The following CXCL8 variants were observed in gnomAD, a reference collection of about 807,000 sequenced individuals.
CXCL8 encodes interleukin-8.
CXCL8 carries 12 observed loss-of-function variants against 10.9 expected under a neutral mutation model. The ratio of observed to expected loss-of-function variants is 1.10; its 90% CI spans 0.71 to 1.79. The LOEUF (loss-of-function observed/expected upper bound fraction) is 1.79, where lower values mean the gene tolerates loss of function less well. Ranked by LOEUF, CXCL8 falls within the 40% of genes most tolerant of loss-of-function variation. The pLI, the probability that CXCL8 is intolerant of heterozygous loss-of-function variation, is 0.00. For synonymous variants in CXCL8, 41 were observed against 39.6 expected, an observed-to-expected ratio of 1.03 and a Z score of -0.13; for missense variants, 145 against 113.4, an observed-to-expected ratio of 1.28 and a Z score of -1.26.
intron 1 of CXCL8, among the ~76,000 whole-genome samples, 184 bp from the exon 2 acceptor site, chr4:73,741,358 G>T (rs1232415828): frequency 3.3e-5 from 5 of 152,124 alleles, no homozygotes; most frequent in Admixed American, 3.3e-4. Context: ...TGTCAGTTAT[G>T]ACTGTTTTTT....
In CXCL8 at chr4:73,741,941, T is replaced by C; in HGVS notation, c.201-8T>C. On this transcript the variant is annotated splice_polypyrimidine_tract_variant and splice_region_variant and intron_variant, in intron 2 of 3. Coordinates refer to ENST00000307407, the MANE Select transcript of CXCL8 (RefSeq NM_000584.4). ...ATATTAATCTGAACCATTTCTTTCT[T>C]ATTTCAGTGTAAAGCTTTCTGATGG... 1 of 1,587,170 alleles carries C rather than the reference T, an allele frequency of 6.3e-7. No homozygotes were observed. The highest frequency in any genetic ancestry group is 1.1e-5 in the South Asian group (1 of 90,190).
intron 2 of CXCL8, 115 bp from the exon 3 acceptor site, chr4:73,741,834 C>T: frequency 9.6e-7 from 1 of 1,041,396 alleles, no homozygotes; most frequent in Non-Finnish European, 1.5e-6. Context: ...AATATGGTAG[C>T]TTCCACAACT....
intron 2 of CXCL8, 101 bp from the exon 3 acceptor site, chr4:73,741,848 A>C (rs1017450190): frequency 4.0e-5 from 44 of 1,091,974 alleles, no homozygotes; most frequent in Non-Finnish European, 5.7e-5. Context: ...CACAACTACT[A>C]TAAATGTTAT....
At chr4:73,742,236 G>T in intron 3 of CXCL8, 1 of 580,840 alleles carries the variant, frequency 1.7e-6, no homozygotes, top group Admixed American at 3.4e-5. Flanking sequence ...GAAATTCTGG[G>T]TTTAAGCTTG....
At chr4:73,742,351 C>A in intron 3 of CXCL8, 98 bp from the exon 4 acceptor site, 1 of 633,598 alleles carries the variant, frequency 1.6e-6, no homozygotes, top group Non-Finnish European at 2.7e-6. Flanking sequence ...TAGAGCATTT[C>A]TAACACATGA....
chr4:73,742,149 G>A, intron 3 of CXCL8, 117 bp downstream of exon 3: 1 of 505,838 alleles, frequency 2.0e-6, no homozygotes, highest in South Asian at 2.4e-5. Flanking sequence ...TGCCTTTTTG[G>A]TTAAAAAAAA....
chr4:73,742,028 A>T lies in CXCL8; in HGVS notation c.280A>T (p.Lys94Ter). The T allele has an allele frequency of 6.3e-7, 1 of 1,576,802 alleles. No homozygotes were observed. Among genetic ancestry groups the T allele is most frequent in the African/African-American group, 1.4e-5 (1 of 73,974 alleles). Residue 94 changes from lysine (K) to a stop codon, truncating the protein, a stop_gained, in exon 3 of 4, where the codon AAG (lysine) becomes TAG (stop). Coordinates refer to ENST00000307407, the MANE Select transcript of CXCL8 (RefSeq NM_000584.4). LOFTEE classifies it high-confidence loss of function. ...WVQRVVEKFL[K>*]RAENS ...GCAGAGGGTTGTGGAGAAGTTTTTG[A>T]AGAGGTAAGTTATATATTTTTTAAT...
intron 2 of CXCL8, 38 bp downstream of exon 2, chr4:73,741,715 C>CA: frequency 1.9e-6 from 3 of 1,580,528 alleles, no homozygotes; most frequent in Non-Finnish European, 2.6e-6. Flanking sequence ...TTTGTTTTAG[C>CA]AAACTTAAAA....
chr4:73,742,816 G>A lies in CXCL8; in HGVS notation c.*352G>A, dbSNP rs1729217984. On this transcript the variant is annotated 3_prime_UTR_variant, in exon 4 of 4. Transcript: ENST00000307407. ...CGAACTTTAATTTCAGGAATTGAAT[G>A]GGTTTGCTAGAATGTGATATTTGAA... 4.2e-6 allele frequency: 1 copy of A among 240,244 alleles called. No homozygotes were observed. The highest frequency in any genetic ancestry group is 2.2e-5 in the African/African-American group (1 of 45,596). 14.9% of individuals were successfully genotyped at this position (240,244 alleles called of 1,614,324 possible). A position where few individuals can be genotyped will look rare whatever the true frequency, so the allele number is the denominator to read the frequency against.
At position 73,741,639 on chromosome 4, in the gene CXCL8, G is replaced by T; in HGVS notation, c.162G>T (p.Val54=). The T allele has an allele frequency of 6.2e-7, 1 of 1,613,542 alleles. No individual in the cohort carries two copies. Among genetic ancestry groups the T allele is most frequent in the Non-Finnish European group, 8.5e-7 (1 of 1,179,566 alleles). ...FHPKFIKELR[V]IESGPHCANT... ...CCAAATTTATCAAAGAACTGAGAGT[G>T]ATTGAGAGTGGACCACACTGCGCCA... is the stretch of plus-strand genomic sequence containing the variant. Residue 54 remains valine, a synonymous_variant, in exon 2 of 4, where the codon GTG becomes GTT. Coordinates refer to ENST00000307407, the MANE Select transcript of CXCL8 (RefSeq NM_000584.4).
Position 73,743,329 on chromosome 4 carries a change from A to G in CXCL8, c.*865A>G. The G allele has an allele frequency of 4.7e-6, 1 of 212,628 alleles. No homozygotes were observed. The highest frequency in any genetic ancestry group is 1.5e-3 in the Middle Eastern group (1 of 658). The allele number at this position is 212,628 out of a possible 1,614,324, so 13.2% of individuals were successfully genotyped here. ...CCAGTTAAATTTTCATTTCAGATAA[A>G]CAACAAATAATTTTTTAGTATAAGT... On this transcript the variant is annotated 3_prime_UTR_variant, in exon 4 of 4. Coordinates refer to ENST00000307407, the MANE Select transcript of CXCL8 (RefSeq NM_000584.4).
intron 3 of CXCL8, 192 bp from the exon 4 acceptor site, chr4:73,742,257 T>G: frequency 1.7e-6 from 1 of 578,248 alleles, no homozygotes; most frequent in Non-Finnish European, 3.1e-6. Context: ...TGTCCTATAC[T>G]CTTAGTAAAG....
Position 73,743,637 on chromosome 4 carries a change from A to AT in CXCL8, c.*1181dup, listed in dbSNP as rs1184199297. On this transcript the variant is annotated 3_prime_UTR_variant, in exon 4 of 4. Coordinates refer to ENST00000307407, the MANE Select transcript of CXCL8 (RefSeq NM_000584.4). ...TAAGATGTTTTTATGTGCTCTCCAA[A>AT]TTTTTTTTACTGTTTCTGATTGTAT... 11 of 201,524 alleles carry AT rather than the reference A, an allele frequency of 5.5e-5. No individual in the cohort carries two copies. The highest frequency in any genetic ancestry group is 1.9e-4 in the South Asian group (1 of 5,260). 12.5% of individuals were successfully genotyped at this position (201,524 alleles called of 1,614,324 possible).
In CXCL8 at chr4:73,742,885, C is replaced by G; in HGVS notation, c.*421C>G. ...GGGACAATAAATTTTGCCATAAAGT[C>G]AAATTTAGCTGGAAATCCTGGATTT... is the stretch of plus-strand genomic sequence containing the variant. On this transcript the variant is annotated 3_prime_UTR_variant, in exon 4 of 4. Transcript: ENST00000307407. The G allele has an allele frequency of 4.3e-6, 1 of 231,452 alleles. No homozygotes were observed. The highest frequency in any genetic ancestry group is 8.5e-6 in the Non-Finnish European group (1 of 116,966). The allele number at this position is 231,452 out of a possible 1,614,324, so 14.3% of individuals were successfully genotyped here. A position where few individuals can be genotyped will look rare whatever the true frequency, so the allele number is the denominator to read the frequency against.
chr4:73,741,806 T>A, intron 2 of CXCL8, 129 bp downstream of exon 2: 1 of 1,061,184 alleles, frequency 9.4e-7, no homozygotes, highest in Non-Finnish European at 1.4e-6. Context: ...ATAAAAATAT[T>A]TGTCTACATG....
At chr4:73,741,779 A>C in intron 2 of CXCL8, 102 bp downstream of exon 2, 1 of 1,132,160 alleles carries the variant, frequency 8.8e-7, no homozygotes, top group South Asian at 1.4e-5. Flanking sequence ...TTACAGTAGT[A>C]AATGAAACAA....
Position 73,742,795 on chromosome 4 carries a change from C to T in CXCL8, c.*331C>T, listed in dbSNP as rs201465564. The T allele has an allele frequency of 4.8e-5, 12 of 249,532 alleles. No individual in the cohort carries two copies. Among genetic ancestry groups the T allele is most frequent in the African/African-American group, 1.7e-4 (8 of 45,886 alleles). The allele number at this position is 249,532 out of a possible 1,614,324, so 15.5% of individuals were successfully genotyped here. A position where few individuals can be genotyped will look rare whatever the true frequency, so the allele number is the denominator to read the frequency against. The stretch of plus-strand genomic sequence containing the variant: ...GCCAAGGGCCAAGAGAATATCCGAA[C>T]TTTAATTTCAGGAATTGAATGGGTT... On this transcript the variant is annotated 3_prime_UTR_variant, in exon 4 of 4. Transcript: ENST00000307407.
intron 1 of CXCL8, among the ~76,000 whole-genome samples, chr4:73,740,941 A>C (rs770918507): frequency 9.9e-5 from 15 of 152,192 alleles, no homozygotes; most frequent in Non-Finnish European, 2.1e-4. Flanking sequence ...CTGCTTTTAT[A>C]ATTTATACCA....
Position 73,740,643 on chromosome 4 carries a change from C to G in CXCL8, c.-16C>G. ...GGAAGAAACCACCGGAAGGAACCAT[C>G]TCACTGTGTGTAAACATGACTTCCA... On this transcript the variant is annotated 5_prime_UTR_variant, in exon 1 of 4. In the 5' UTR this introduces an upstream ATG that the reference lacks. Coordinates refer to ENST00000307407, the MANE Select transcript of CXCL8 (RefSeq NM_000584.4). 1 of 1,612,424 alleles carries G rather than the reference C, an allele frequency of 6.2e-7. No individual in the cohort carries two copies. The highest frequency in any genetic ancestry group is 8.5e-7 in the Non-Finnish European group (1 of 1,178,728).
Sources: allele counts gnomAD v4.1 joint callset (sites outside exome capture counted in the v4.1 genomes callset), GRCh38; gene constraint gnomAD v4.1.1; transcripts MANE v1.5; gene names NCBI Gene and HGNC (gene_info 2026-07-23, HGNC 2026-07-21).